The following PLXDC2 variants were observed in gnomAD, a reference collection of about 807,000 sequenced individuals.
The protein encoded by PLXDC2 is plexin domain containing 2.
PLXDC2 carries 40 observed loss-of-function variants against 68.9 expected under a neutral mutation model. The ratio of observed to expected loss-of-function variants is 0.58; its 90% CI spans 0.45 to 0.76. The LOEUF is 0.76. PLXDC2 is among the 30% of genes least tolerant of loss of function. The pLI is 0.00. For synonymous variants in PLXDC2, 243 were observed against 234.2 expected, an observed-to-expected ratio of 1.04 and a Z score of -0.34; for missense variants, 644 against 661.9, an observed-to-expected ratio of 0.97 and a Z score of 0.30.
chr10:19,861,754 C>T (rs74119764), intron 1 of PLXDC2, among the ~76,000 whole-genome samples: 19,872 of 152,212 alleles, frequency 0.13, 2,213 homozygotes, highest in African/African-American at 0.3. Context: ...CTAGCTCCAC[C>T]TCAGCTAGAG....
intron 1 of PLXDC2, among the ~76,000 whole-genome samples, chr10:19,867,746 C>T (rs1837449122): frequency 6.6e-6 from 1 of 152,120 alleles, no homozygotes; most frequent in Non-Finnish European, 1.5e-5. Flanking sequence ...ATTCCTCTCT[C>T]ACTCACCAGT....
chr10:19,972,439 A>T (rs1338809881), intron 1 of PLXDC2, among the ~76,000 whole-genome samples: 1 of 152,222 alleles, frequency 6.6e-6, no homozygotes, highest in Admixed American at 6.5e-5. Flanking sequence ...ACCAGAGTCT[A>T]CTTGAGGGTG....
intron 9 of PLXDC2, among the ~76,000 whole-genome samples, chr10:20,182,350 A>T (rs922976979): frequency 6.6e-6 from 1 of 152,002 alleles, no homozygotes; most frequent in Non-Finnish European, 1.5e-5. Flanking sequence ...GGAATCACAC[A>T]GTATTTACAA....
At chr10:19,876,890 T>C (rs940876533) in intron 1 of PLXDC2, among the ~76,000 whole-genome samples, 2 of 152,158 alleles carry the variant, frequency 1.3e-5, no homozygotes, top group Non-Finnish European at 2.9e-5. Context: ...ATAGGTGTTA[T>C]TACAAATTAC....
chr10:20,013,281 A>C (rs1459180081), intron 2 of PLXDC2, among the ~76,000 whole-genome samples: 1 of 152,206 alleles, frequency 6.6e-6, no homozygotes, highest in East Asian at 1.9e-4. Flanking sequence ...ATTTGAAAGA[A>C]AAACTTACAA....
At chr10:20,192,409 G>C (rs1002708270) in intron 9 of PLXDC2, among the ~76,000 whole-genome samples, 1 of 152,010 alleles carries the variant, frequency 6.6e-6, no homozygotes, top group Non-Finnish European at 1.5e-5. Flanking sequence ...GAAAATAATT[G>C]AGGTTATTGC....
At chr10:20,159,674 C>T (rs142503370) in intron 6 of PLXDC2, among the ~76,000 whole-genome samples, 6 of 152,146 alleles carry the variant, frequency 3.9e-5, no homozygotes, top group Non-Finnish European at 5.9e-5. Flanking sequence ...AAGGAATACA[C>T]GCTCCCTATG....
chr10:19,979,903 C>G (rs1040076105), intron 1 of PLXDC2, among the ~76,000 whole-genome samples: 1 of 152,100 alleles, frequency 6.6e-6, no homozygotes, highest in African/African-American at 2.4e-5. Context: ...GATCTGGGAG[C>G]CTGGCATTCT....
chr10:19,859,047 A>C (rs910557730), intron 1 of PLXDC2, among the ~76,000 whole-genome samples: 6 of 150,744 alleles, frequency 4.0e-5, no homozygotes, highest in East Asian at 3.9e-4. Flanking sequence ...AGAGAGAGAG[A>C]GCGAGGGAGA....
At position 20,102,468 on chromosome 10, in the gene PLXDC2, C is replaced by A. The variant is rs140613757; in HGVS notation, c.541+34229C>A. 2.7e-3 allele frequency among the ~76,000 whole-genome samples: 414 copies of A among 152,310 alleles called. 2 individuals are homozygous for A. The highest frequency in any genetic ancestry group is 6.8e-3 in the Middle Eastern group (2 of 294). ...CCCTTAGTCCATAAATCTAATCACT[C>A]CTTTATTTCTATTAAATGGACTATA... On this transcript the variant is annotated intron_variant, in intron 4 of 13. Transcript: ENST00000377252.
intron 9 of PLXDC2, among the ~76,000 whole-genome samples, chr10:20,197,646 G>A (rs535680962): frequency 4.6e-5 from 7 of 151,894 alleles, no homozygotes; most frequent in South Asian, 4.2e-4. Flanking sequence ...ATAAGCCTCC[G>A]CACCCGGCCT....
At chr10:19,944,899 C>G (rs1364474747) in intron 1 of PLXDC2, among the ~76,000 whole-genome samples, 1 of 152,210 alleles carries the variant, frequency 6.6e-6, no homozygotes, top group East Asian at 1.9e-4. Flanking sequence ...TTGCAGTGAG[C>G]TGAAATTGCG....
intron 4 of PLXDC2, among the ~76,000 whole-genome samples, chr10:20,107,075 T>C (rs996754032): frequency 2.7e-5 from 4 of 148,376 alleles, no homozygotes; most frequent in East Asian, 1.9e-4. Context: ...GCTATATATA[T>C]AGTATATATA....
intron 2 of PLXDC2, among the ~76,000 whole-genome samples, chr10:20,008,996 G>A (rs747964730): frequency 1.3e-5 from 2 of 152,036 alleles, no homozygotes; most frequent in East Asian, 1.9e-4. Context: ...GTCTTTATTC[G>A]CAGCTTGAAA....
At chr10:20,108,311 A>G (rs149503439) in intron 4 of PLXDC2, among the ~76,000 whole-genome samples, 11 of 152,282 alleles carry the variant, frequency 7.2e-5, no homozygotes, top group African/African-American at 2.6e-4. Context: ...GGATTACCAC[A>G]TACCAATTTT....
chr10:20,162,060 GAGAGAGAGAGAGAA>G (rs1350013240), intron 6 of PLXDC2, among the ~76,000 whole-genome samples: 3 of 116,056 alleles, frequency 2.6e-5, no homozygotes, highest in East Asian at 2.6e-4. Context: ...GAGAGAGAGA[GAGAGAGAGAGAGAA>G]GGAAGGAAGG....
At chr10:20,018,493 T>C (rs1230432887) in intron 2 of PLXDC2, among the ~76,000 whole-genome samples, 2 of 152,232 alleles carry the variant, frequency 1.3e-5, no homozygotes, top group African/African-American at 4.8e-5. Flanking sequence ...ACTAGTGATT[T>C]TGAAGAGAGT....
At chr10:19,902,431 T>TTATTG (rs1398023361) in intron 1 of PLXDC2, among the ~76,000 whole-genome samples, 2 of 152,078 alleles carry the variant, frequency 1.3e-5, no homozygotes, top group Admixed American at 6.6e-5. Flanking sequence ...TTATTTTATT[T>TTATTG]TATTGCAGCT....
chr10:19,850,906 A>G (rs1027573720), intron 1 of PLXDC2, among the ~76,000 whole-genome samples: 6 of 152,194 alleles, frequency 3.9e-5, no homozygotes, highest in Non-Finnish European at 4.4e-5. Flanking sequence ...CAGACTCTGC[A>G]TGTCATTCAA....
Sources: allele counts gnomAD v4.1 joint callset (sites outside exome capture counted in the v4.1 genomes callset), GRCh38; gene constraint gnomAD v4.1.1; transcripts MANE v1.5; gene names NCBI Gene and HGNC (gene_info 2026-07-23, HGNC 2026-07-21).